The following ENTPD2 variants were observed in gnomAD, a reference collection of about 807,000 sequenced individuals.
ENTPD2 encodes CD39 antigen-like 1.
In ENTPD2, 48 loss-of-function variants were observed where a neutral mutation model predicts 46.8. The ratio of observed to expected loss-of-function variants is 1.03; its 90% CI spans 0.81 to 1.30. ENTPD2 has a LOEUF of 1.30. ENTPD2 is among the 50% of genes most tolerant of loss of function. The pLI is 0.00. For missense variants in ENTPD2, 707 were observed against 651.1 expected, an observed-to-expected ratio of 1.09 and a Z score of -0.93; for synonymous variants, 316 against 286.1, an observed-to-expected ratio of 1.10 and a Z score of -1.06.
chr9:137,050,389 G>T lies in ENTPD2; in HGVS notation c.924C>A (p.His308Gln). 6.2e-7 allele frequency: 1 copy of T among 1,612,982 alleles called. No homozygotes were observed. Among genetic ancestry groups the T allele is most frequent in the Admixed American group, 1.7e-5 (1 of 60,010 alleles). Residue 308 changes from histidine (H) to glutamine (Q), a missense_variant, in exon 6 of 9, where the codon CAC becomes CAA. Transcript: ENST00000355097. The stretch of plus-strand genomic sequence containing the variant: ...GCCCAGAAACCAGATCTCGGCAGAG[G>T]TGGGGGTCACTGCTCCCTGACAGGC... Reference protein sequence around the residue: ...RVSLSGSSDPHLCRDLVSGLF... With the variant: ...RVSLSGSSDPQLCRDLVSGLF...
rs750327305 is a variant in ENTPD2, at chr9:137,048,813, C to A, written c.1332G>T (p.Leu444=). ...GCGGGTCGGCGGGGATCAGGTTGGT[C>A]AGGTTCAGCATGTAGCCGAGCGCCC... is the stretch of plus-strand genomic sequence containing the variant. ...VGWALGYMLN[L]TNLIPADPPG... is the part of the protein sequence containing the mutation. Residue 444 remains leucine (L), a synonymous_variant, in exon 9 of 9, where the codon CTG becomes CTT. Transcript: ENST00000355097. 1 of 1,572,552 alleles carries A rather than the reference C, an allele frequency of 6.4e-7. No individual in the cohort carries two copies. Among genetic ancestry groups the A allele is most frequent in the Non-Finnish European group, 8.6e-7 (1 of 1,158,352 alleles).
chr9:137,050,456 A>G lies in ENTPD2; in HGVS notation c.857T>C (p.Met286Thr), dbSNP rs778013442. Reference sequence around the variant, plus strand: ...GTTGAAGTTCTGGGGCCGCTGGGCCATGGTGCATGGTGACTGGTACACATC... The same window carrying G: ...GTTGAAGTTCTGGGGCCGCTGGGCCGTGGTGCATGGTGACTGGTACACATC... ...LGDVYQSPCT[M>T]AQRPQNFNSS... Residue 286 changes from methionine (M) to threonine (T), a missense_variant, in exon 6 of 9, where the codon ATG becomes ACG. Met to Thr is a moderately conservative substitution (Grantham distance 81, BLOSUM62 -1). Coordinates refer to ENST00000355097, the MANE Select transcript of ENTPD2 (RefSeq NM_203468.3). 1 of 1,612,770 alleles carries G rather than the reference A, an allele frequency of 6.2e-7. No homozygotes were observed. Among genetic ancestry groups the G allele is most frequent in the Non-Finnish European group, 8.5e-7 (1 of 1,180,010 alleles).
rs1832278390 is a variant in ENTPD2, at chr9:137,050,969, T to C, written c.707A>G (p.Tyr236Cys). The stretch of plus-strand genomic sequence containing the variant: ...GCCATAGCAGAGGAAGCTGTGGGTG[T>C]AGACTCGGTAGTGCTGGCCGTAGAG... ...LHLYGQHYRV[Y>C]THSFLCYGRD... Residue 236 changes from tyrosine to cysteine, a missense_variant, in exon 5 of 9, where the codon TAC becomes TGC. Coordinates refer to ENST00000355097, the MANE Select transcript of ENTPD2 (RefSeq NM_203468.3). The C allele has an allele frequency of 2.5e-6, 4 of 1,612,760 alleles. No individual in the cohort carries two copies. Among genetic ancestry groups the C allele is most frequent in the Non-Finnish European group, 3.4e-6 (4 of 1,179,972 alleles).
At chr9:137,049,360 TG>T (rs1443947952) in intron 7 of ENTPD2, 1 of 657,402 alleles carries the variant, frequency 1.5e-6, no homozygotes, top group African/African-American at 1.8e-5. Context: ...AACACCTTGG[TG>T]TGTGGCCAGG....
intron 7 of ENTPD2, 33 bp from the exon 8 acceptor site, chr9:137,049,108 GA>G: frequency 6.5e-7 from 1 of 1,530,626 alleles, no homozygotes; most frequent in Non-Finnish European, 8.7e-7. Flanking sequence ...TCAGGCAGGC[GA>G]CCACCAGGAG....
intron 7 of ENTPD2, 100 bp downstream of exon 7, chr9:137,049,770 G>T: frequency 1.5e-6 from 2 of 1,347,246 alleles, no homozygotes; most frequent in Non-Finnish European, 2.0e-6. Flanking sequence ...CCACTGCAGC[G>T]GGTGCTCCGA....
chr9:137,048,940 C>T lies in ENTPD2; in HGVS notation c.1284+1G>A, dbSNP rs886188261. On this transcript the variant is annotated splice_donor_variant, in intron 8 of 8. Transcript: ENST00000355097. LOFTEE classifies it high-confidence loss of function. ...CCCCGCCCCGCCCCGCCCCAGCCCACCTTCTTCTGGAAGATCACGCCGCCG... is the reference window on the plus strand; with the variant it reads ...CCCCGCCCCGCCCCGCCCCAGCCCATCTTCTTCTGGAAGATCACGCCGCCG... 6.5e-7 allele frequency: 1 copy of T among 1,527,360 alleles called. No individual in the cohort carries two copies. The highest frequency in any genetic ancestry group is 8.8e-7 in the Non-Finnish European group (1 of 1,140,512). The allele number at this position is 1,527,360 out of a possible 1,614,324, so 94.6% of individuals were successfully genotyped here. A position where few individuals can be genotyped will look rare whatever the true frequency, so the allele number is the denominator to read the frequency against.
In ENTPD2 at chr9:137,050,504, A is replaced by G. The variant is rs1296126568; in HGVS notation, c.809T>C (p.Phe270Ser). The G allele has an allele frequency of 1.2e-6, 2 of 1,612,576 alleles. No individual in the cohort carries two copies. Among genetic ancestry groups the G allele is most frequent in the Non-Finnish European group, 1.7e-6 (2 of 1,179,940 alleles). Residue 270 changes from phenylalanine to serine, a missense_variant, in exon 6 of 9, where the codon TTT (phenylalanine) becomes TCT (serine). Transcript: ENST00000355097. Reference protein sequence around the residue: ...HGFHPCWPRGFSTQVLLGDVY... With the variant: ...HGFHPCWPRGSSTQVLLGDVY... ...ATCCCCGAGCAGCACTTGGGTGGAA[A>G]AGCCCCTCGGCCAGCAGGGGTGGAA...
At chr9:137,052,986 G>T (rs546829769) in intron 1 of ENTPD2, 23 of 152,360 alleles carry the variant, frequency 1.5e-4, no homozygotes, top group African/African-American at 4.8e-4. Context: ...TGAGTGGCAC[G>T]AGCTTGTAAA....
Position 137,050,307 on chromosome 9 carries a change from G to T in ENTPD2, c.1006C>A (p.Pro336Thr). 6.2e-7 allele frequency: 1 copy of T among 1,603,624 alleles called. No individual in the cohort carries two copies. The change falls in exon 6 of 9, where the codon CCC becomes ACC. Residue 336 changes from proline (P) to threonine (T), a missense_variant. Physicochemically the swap from Pro to Thr is conservative, Grantham distance 38 (BLOSUM62 -1). Transcript: ENST00000355097. ...ACCACAAAGTTCCCAGCCACTGGGG[G>T]CTGGAAGACCCCATTGAAAGAGCAT... ...SRCSFNGVFQ[P>T]PVAGNFVAFS... is the part of the protein sequence containing the mutation.
chr9:137,050,791 T>C, intron 5 of ENTPD2, 111 bp downstream of exon 5: 1 of 1,388,472 alleles, frequency 7.2e-7, no homozygotes, highest in South Asian at 1.3e-5. Context: ...CCACCTGTCT[T>C]TCCAGCCAAT....
rs949955175 is a variant in ENTPD2, at chr9:137,052,108, G to T, written c.235+123C>A. The T allele has an allele frequency of 4.8e-6, 4 of 839,510 alleles. No individual in the cohort carries two copies. In the African/African-American group the frequency reaches 5.1e-5, roughly 11 times the overall value. The allele number at this position is 839,510 out of a possible 1,614,324, so 52.0% of individuals were successfully genotyped here. On this transcript the variant is annotated intron_variant, in intron 2 of 8. Transcript: ENST00000355097. ...GGGCACCAGCCTCTCTCTTTCCAGGGCTTCTGCCTGGAGTGAGCCCCACCC... is the reference window on the plus strand; with the variant it reads ...GGGCACCAGCCTCTCTCTTTCCAGGTCTTCTGCCTGGAGTGAGCCCCACCC...
Position 137,052,365 on chromosome 9 carries a change from G to T in ENTPD2, c.118-17C>A. On this transcript the variant is annotated splice_polypyrimidine_tract_variant and intron_variant, in intron 1 of 8. Transcript: ENST00000355097. Reference sequence around the variant, plus strand: ...GATGCCATACTGCGGGGGAGGGGGAGGGAGTCAGCCTGGGGTGTCCGGGGG... The same window carrying T: ...GATGCCATACTGCGGGGGAGGGGGATGGAGTCAGCCTGGGGTGTCCGGGGG... The T allele has an allele frequency of 6.8e-7, 1 of 1,460,936 alleles. No individual in the cohort carries two copies. Among genetic ancestry groups the T allele is most frequent in the Non-Finnish European group, 9.5e-7 (1 of 1,047,608 alleles). The allele number at this position is 1,460,936 out of a possible 1,614,324, so 90.5% of individuals were successfully genotyped here. A position where few individuals can be genotyped will look rare whatever the true frequency, so the allele number is the denominator to read the frequency against.
rs1298670210 is a variant in ENTPD2 at position 137,048,794 on chromosome 9, C to T, written c.1351G>A (p.Asp451Asn). ...MLNLTNLIPA[D>N]PPGLRKGTDF... The stretch of plus-strand genomic sequence containing the variant: ...GTGCCCTTGCGCAGCCCCGGCGGGT[C>T]GGCGGGGATCAGGTTGGTCAGGTTC... Residue 451 changes from aspartate (D) to asparagine (N), a missense_variant, in exon 9 of 9, where the codon GAC becomes AAC. Transcript: ENST00000355097. The T allele has an allele frequency of 8.8e-6, 14 of 1,585,062 alleles. No individual in the cohort carries two copies. Among genetic ancestry groups the T allele is most frequent in the African/African-American group, 8.1e-5 (6 of 74,406 alleles).
chr9:137,051,685 C>G, intron 2 of ENTPD2, 25 bp from the exon 3 acceptor site: 1 of 1,590,466 alleles, frequency 6.3e-7, no homozygotes, highest in Non-Finnish European at 8.6e-7. Context: ...AGAGATGAGC[C>G]TATGCCTCAC....
intron 7 of ENTPD2, 165 bp from the exon 8 acceptor site, chr9:137,049,240 G>A: frequency 8.3e-7 from 1 of 1,198,378 alleles, no homozygotes; most frequent in Non-Finnish European, 1.2e-6. Context: ...GACCGAGTCC[G>A]AGGGGCACCC....
In ENTPD2 at chr9:137,051,520, G is replaced by T. The variant is rs1304440556; in HGVS notation, c.376C>A (p.Arg126Ser). Residue 126 changes from arginine (R) to serine (S), a missense_variant, in exon 3 of 9, where the codon CGC (arginine) becomes AGC (serine). By Grantham distance (110) the Arg-to-Ser change is moderately radical. Transcript: ENST00000355097. ...PLYLGATAGM[R>S]LLNLTNPEAS... ...CACAGGCACACTCACTTGAGCAGGCGCATACCCGCTGTGGCTCCCAGGTAG... is the reference window on the plus strand; with the variant it reads ...CACAGGCACACTCACTTGAGCAGGCTCATACCCGCTGTGGCTCCCAGGTAG... 3 of 1,601,700 alleles carry T rather than the reference G, an allele frequency of 1.9e-6. No individual in the cohort carries two copies. Among genetic ancestry groups the T allele is most frequent in the Non-Finnish European group, 1.7e-6 (2 of 1,174,038 alleles).
chr9:137,051,234 A>G lies in ENTPD2; in HGVS notation c.523T>C (p.Tyr175His), dbSNP rs769936130. 1 of 1,612,814 alleles carries G rather than the reference A, an allele frequency of 6.2e-7. No individual in the cohort carries two copies. The highest frequency in any genetic ancestry group is 1.1e-5 in the South Asian group (1 of 91,076). Residue 175 changes from tyrosine (Y) to histidine (H), a missense_variant, in exon 4 of 9, where the codon TAC (tyrosine) becomes CAC (histidine). By Grantham distance (83) the Tyr-to-His change is moderately conservative. Transcript: ENST00000355097. ...ACCTTGATGAAGTTCTCCAGCAGGT[A>G]GTTGGCAGTCACCCAGCCAAACACC... ...EGVFGWVTANYLLENFIKYGW... is the reference protein window; with the variant it reads ...EGVFGWVTANHLLENFIKYGW...
chr9:137,049,269 A>G, intron 7 of ENTPD2, 194 bp from the exon 8 acceptor site: 1 of 938,250 alleles, frequency 1.1e-6, no homozygotes, highest in South Asian at 1.4e-5. Context: ...GCACGCTTCC[A>G]TCCCTCCCCA....
Sources: gnomAD v4.1 joint callset for allele counts on GRCh38, gnomAD v4.1.1 for gene constraint, MANE v1.5 for transcripts, NCBI Gene and HGNC (gene_info 2026-07-23, HGNC 2026-07-21) for gene names.